The following HHAT variants were observed in gnomAD, a reference collection of about 807,000 sequenced individuals.
HHAT encodes hedgehog acyltransferase, also known as protein-cysteine N-palmitoyltransferase HHAT.
HHAT carries 47 observed loss-of-function variants against 70.8 expected under a neutral mutation model. The ratio of observed to expected loss-of-function variants is 0.66; its 90% confidence interval spans 0.53 to 0.85. The LOEUF (loss-of-function observed/expected upper bound fraction) is 0.85, where lower values mean the gene tolerates loss of function less well. HHAT is among the 40% of genes least tolerant of loss of function. HHAT has a pLI of 0.00. For missense variants in HHAT, 609 were observed against 604.8 expected (o/e 1.01, Z -0.07); for synonymous variants, 228 against 247.6 (o/e 0.92, Z 0.74).
chr1:210,506,085 A>G (rs1490543431), intron 8 of HHAT, among the ~76,000 whole-genome samples: 2 of 152,180 alleles, frequency 1.3e-5, no homozygotes, highest in African/African-American at 2.4e-5. Context: ...GTTCTAAGCT[A>G]GGTGATATAC....
At chr1:210,574,696 C>T (rs1467015923) in intron 9 of HHAT, among the ~76,000 whole-genome samples, 1 of 152,210 alleles carries the variant, frequency 6.6e-6, no homozygotes, top group Non-Finnish European at 1.5e-5. Flanking sequence ...GGCCATGGGC[C>T]CTGCCTCTGA....
intron 9 of HHAT, among the ~76,000 whole-genome samples, chr1:210,523,678 T>C (rs1463849214): frequency 6.6e-6 from 1 of 152,262 alleles, no homozygotes; most frequent in East Asian, 1.9e-4. Context: ...GTCTGACTCA[T>C]CTGGATCTTC....
intron 7 of HHAT, among the ~76,000 whole-genome samples, chr1:210,426,185 A>G (rs1367753862): frequency 6.6e-6 from 1 of 152,200 alleles, no homozygotes; most frequent in Non-Finnish European, 1.5e-5. Flanking sequence ...ATTTTTGCAC[A>G]TTGATTTTGT....
intron 11 of HHAT, among the ~76,000 whole-genome samples, chr1:210,652,357 A>T (rs115770104): frequency 0.017 from 2,567 of 152,286 alleles, 35 homozygotes; most frequent in Middle Eastern, 0.027. Flanking sequence ...CCTTGCAGAG[A>T]TTATGATGCC....
intron 4 of HHAT, among the ~76,000 whole-genome samples, chr1:210,389,525 C>T (rs558053435): frequency 1.3e-5 from 2 of 152,280 alleles, no homozygotes; most frequent in Admixed American, 6.5e-5. Flanking sequence ...GCAGACTTCC[C>T]CCTTATTGTT....
intron 10 of HHAT, among the ~76,000 whole-genome samples, chr1:210,601,422 C>T (rs748293944): frequency 1.3e-5 from 2 of 152,106 alleles, no homozygotes; most frequent in African/African-American, 4.8e-5. Flanking sequence ...GGTAATGGCT[C>T]ATGGCCTTCT....
intron 11 of HHAT, among the ~76,000 whole-genome samples, chr1:210,672,345 A>ACTGT (rs1680257464): frequency 6.6e-6 from 1 of 152,090 alleles, no homozygotes; most frequent in African/African-American, 2.4e-5. Context: ...TATTCCTACC[A>ACTGT]CTGTCTGTCT....
At chr1:210,624,957 C>T (rs757991139) in intron 11 of HHAT, among the ~76,000 whole-genome samples, 10 of 152,204 alleles carry the variant, frequency 6.6e-5, no homozygotes, top group Non-Finnish European at 1.2e-4. Flanking sequence ...GAGGAGGCAG[C>T]GGTGCTTTTG....
intron 8 of HHAT, among the ~76,000 whole-genome samples, chr1:210,476,606 C>T (rs2094310340): frequency 6.6e-6 from 1 of 152,252 alleles, no homozygotes; most frequent in Non-Finnish European, 1.5e-5. Context: ...AGGGCACACT[C>T]TCTGGACCCT....
At chr1:210,632,067 C>T (rs1353529350) in intron 11 of HHAT, among the ~76,000 whole-genome samples, 1 of 152,200 alleles carries the variant, frequency 6.6e-6, no homozygotes, top group African/African-American at 2.4e-5. Flanking sequence ...ACTCTCCCAG[C>T]TGCCGGTGGC....
chr1:210,396,644 G>T (rs1001201254), intron 4 of HHAT, among the ~76,000 whole-genome samples: 5 of 152,222 alleles, frequency 3.3e-5, no homozygotes, highest in African/African-American at 9.6e-5. Flanking sequence ...ATGCATGTGT[G>T]TTTGCATAAG....
At chr1:210,475,236 A>G (rs577747983) in intron 8 of HHAT, among the ~76,000 whole-genome samples, 24 of 152,120 alleles carry the variant, frequency 1.6e-4, no homozygotes, top group African/African-American at 5.8e-4. Context: ...ACTTTGTGTT[A>G]GGCTTACCTT....
chr1:210,637,386 G>A (rs1178738129), intron 11 of HHAT, among the ~76,000 whole-genome samples: 2 of 152,018 alleles, frequency 1.3e-5, no homozygotes, highest in Non-Finnish European at 2.9e-5. Context: ...AAAGATACAA[G>A]TAACAGAAGA....
chr1:210,466,714 C>T (rs550868420), intron 8 of HHAT, among the ~76,000 whole-genome samples: 11 of 152,268 alleles, frequency 7.2e-5, no homozygotes, highest in South Asian at 6.2e-4. Context: ...GAGGCAGTTT[C>T]GGCAGTTGAC....
intron 4 of HHAT, among the ~76,000 whole-genome samples, chr1:210,388,690 A>G (rs745705400): frequency 6.6e-6 from 1 of 152,166 alleles, no homozygotes. Flanking sequence ...CTAAGCTAGT[A>G]ATAAATATAT....
At chr1:210,581,871 G>A (rs552000349) in intron 9 of HHAT, among the ~76,000 whole-genome samples, 2 of 152,202 alleles carry the variant, frequency 1.3e-5, no homozygotes, top group African/African-American at 4.8e-5. Flanking sequence ...GCAGTAAATG[G>A]AAATTATGTT....
intron 10 of HHAT, among the ~76,000 whole-genome samples, chr1:210,620,396 T>G (rs1382510632): frequency 2.0e-5 from 3 of 152,156 alleles, no homozygotes; most frequent in South Asian, 2.1e-4. Context: ...AGAGGAGAGA[T>G]GGATTGCAGC....
In HHAT at chr1:210,623,685, A is replaced by G; in HGVS notation, c.1390+15A>G. 2 of 1,610,036 alleles carry G rather than the reference A, an allele frequency of 1.2e-6. No individual in the cohort carries two copies. Among genetic ancestry groups the G allele is most frequent in the Non-Finnish European group, 1.7e-6 (2 of 1,177,116 alleles). ...CTTCATACAAGGTAAGTTGCTTGAC[A>G]GTGCTGTTTTCAGTCAGTTTCTTGT... On this transcript the variant is annotated intron_variant, in intron 11 of 11. Coordinates refer to ENST00000261458, the MANE Select transcript of HHAT (RefSeq NM_018194.6).
chr1:210,456,175 A>G (rs904318887), intron 7 of HHAT, among the ~76,000 whole-genome samples: 15 of 152,210 alleles, frequency 9.9e-5, no homozygotes, highest in African/African-American at 3.4e-4. Context: ...CCAGAAGTTT[A>G]TAGCCCCAAA....
Sources: gnomAD v4.1 joint callset for allele counts (sites outside exome capture counted in the v4.1 genomes callset) on GRCh38, gnomAD v4.1.1 for gene constraint, MANE v1.5 for transcripts, NCBI Gene and HGNC (gene_info 2026-07-23, HGNC 2026-07-21) for gene names.